FAM184B: variants seen among roughly 807,000 people sequenced by gnomAD.
FAM184B encodes the protein family with sequence similarity 184 member B, also known as protein FAM184B.
In FAM184B, 111 loss-of-function variants were observed where a neutral mutation model predicts 135.9. The observed-to-expected ratio is 0.82, with a 90% CI of 0.70 to 0.96. FAM184B has a LOEUF of 0.96. Among genes scored for constraint, FAM184B ranks in the 40% least tolerant of loss-of-function variants. The probability of loss-of-function intolerance (pLI) is 0.00; values close to 1 mark genes in which losing one functional copy is unlikely to be tolerated. For missense variants in FAM184B, 1,375 were observed against 1,323.9 expected, an observed-to-expected ratio of 1.04 and a Z score of -0.60; for synonymous variants, 552 against 524.8, an observed-to-expected ratio of 1.05 and a Z score of -0.71.
In FAM184B at chr4:17,781,402, A is replaced by T. The variant is rs1399777168; in HGVS notation, c.-103T>A. On this transcript the variant is annotated 5_prime_UTR_variant, in exon 1 of 18. Transcript: ENST00000265018. This position sits in a 1 kb window ranked among gnomAD's most constrained non-coding sequence, Gnocchi z 6.5. Reference sequence around the variant, plus strand: ...TGCGAGCGTGTGGGTTTCTCGGGAGAGGTGGCACTGCAGTCCCGTCGCCTG... The same window carrying T: ...TGCGAGCGTGTGGGTTTCTCGGGAGTGGTGGCACTGCAGTCCCGTCGCCTG... 2 of 1,354,142 alleles carry T rather than the reference A, an allele frequency of 1.5e-6. No individual in the cohort carries two copies. The highest frequency in any genetic ancestry group is 5.9e-5 in the East Asian group (2 of 34,182). 83.9% of individuals were successfully genotyped at this position (1,354,142 alleles called of 1,614,324 possible). A position where few individuals can be genotyped will look rare whatever the true frequency, so the allele number is the denominator to read the frequency against.
intron 11 of FAM184B, among the ~76,000 whole-genome samples, chr4:17,652,351 C>T (rs993651327): frequency 2.0e-5 from 3 of 152,068 alleles, no homozygotes; most frequent in Non-Finnish European, 2.9e-5. Flanking sequence ...GTCTCTATCT[C>T]CTGACCTTGT....
intron 14 of FAM184B, among the ~76,000 whole-genome samples, chr4:17,637,354 A>T (rs950572986): frequency 2.6e-5 from 4 of 152,168 alleles, no homozygotes; most frequent in African/African-American, 7.2e-5. Flanking sequence ...GTGAAGCCAG[A>T]GAAGAGTAAC....
intron 1 of FAM184B, among the ~76,000 whole-genome samples, chr4:17,715,398 G>A (rs1034180698): frequency 2.6e-5 from 4 of 151,978 alleles, no homozygotes; most frequent in East Asian, 3.9e-4. Flanking sequence ...TCACTTGAAC[G>A]CGGGAGGTGG....
At chr4:17,698,578 A>G (rs1716917242) in intron 5 of FAM184B, among the ~76,000 whole-genome samples, 3 of 152,164 alleles carry the variant, frequency 2.0e-5, no homozygotes, top group African/African-American at 7.2e-5. Flanking sequence ...GCCTTAAATA[A>G]TCACTCAGAA....
chr4:17,760,631 C>A (rs1474568913), intron 1 of FAM184B, among the ~76,000 whole-genome samples: 2 of 152,106 alleles, frequency 1.3e-5, no homozygotes, highest in African/African-American at 4.8e-5. Context: ...TAGGACACAG[C>A]CTATCCATAA....
At chr4:17,763,423 C>T (rs921087720) in intron 1 of FAM184B, among the ~76,000 whole-genome samples, 5 of 151,492 alleles carry the variant, frequency 3.3e-5, no homozygotes, top group Non-Finnish European at 7.4e-5. Context: ...CACACACAGG[C>T]ACATGCACCT....
intron 1 of FAM184B, among the ~76,000 whole-genome samples, chr4:17,769,310 A>G (rs752603180): frequency 6.6e-6 from 1 of 152,226 alleles, no homozygotes. Context: ...TAGGGTTTGC[A>G]TAAATGTTAA....
chr4:17,656,025 G>A (rs564612906), intron 10 of FAM184B, among the ~76,000 whole-genome samples: 162 of 152,188 alleles, frequency 1.1e-3, no homozygotes, highest in African/African-American at 3.7e-3. Context: ...ATTCCTACTC[G>A]CCGACACAGG....
chr4:17,705,961 G>A, intron 3 of FAM184B, 70 bp from the exon 4 acceptor site: 1 of 1,535,858 alleles, frequency 6.5e-7, no homozygotes, highest in Non-Finnish European at 8.8e-7. Context: ...GCTTTCTGCT[G>A]TCAGGCCCCC....
chr4:17,754,909 T>A (rs1189094960), intron 1 of FAM184B, among the ~76,000 whole-genome samples: 1 of 152,250 alleles, frequency 6.6e-6, no homozygotes, highest in East Asian at 1.9e-4. Flanking sequence ...GGTCTGGCTC[T>A]GTCACCCAGG....
In FAM184B at chr4:17,633,782, G is replaced by C. The variant is rs1293971580; in HGVS notation, c.2996C>G (p.Pro999Arg). 2 of 1,551,632 alleles carry C rather than the reference G, an allele frequency of 1.3e-6. No individual in the cohort carries two copies. The highest frequency in any genetic ancestry group is 1.2e-5 in the South Asian group (1 of 84,050). Residue 999 changes from proline (P) to arginine (R), a missense_variant, in exon 17 of 18, where the codon CCT becomes CGT. Physicochemically the swap from Pro to Arg is moderately radical, Grantham distance 103. Transcript: ENST00000265018. ...SGDLSSRINA[P>R]PITTSPSLDP... ...CAAGCTGGGTGATGTAGTTATTGGA[G>C]GGGCATTAATCCTGGAACTCAGATC...
At chr4:17,679,797 G>A (rs1223259923) in intron 7 of FAM184B, among the ~76,000 whole-genome samples, 1 of 98,882 alleles carries the variant, frequency 1.0e-5, no homozygotes, top group Non-Finnish European at 2.3e-5. Context: ...TCAATGAGTG[G>A]TTAAAAAAAA....
At chr4:17,721,515 A>G (rs1329655011) in intron 1 of FAM184B, among the ~76,000 whole-genome samples, 1 of 152,022 alleles carries the variant, frequency 6.6e-6, no homozygotes, top group Non-Finnish European at 1.5e-5. Flanking sequence ...GAAAATACTG[A>G]TAAGGGAAGT....
intron 7 of FAM184B, among the ~76,000 whole-genome samples, chr4:17,683,149 T>A (rs1560175266): frequency 6.6e-6 from 1 of 152,232 alleles, no homozygotes; most frequent in Non-Finnish European, 1.5e-5. Flanking sequence ...CAAAACTGTT[T>A]GAACTACATT....
intron 5 of FAM184B, among the ~76,000 whole-genome samples, chr4:17,703,806 C>T (rs894641999): frequency 6.6e-6 from 1 of 151,760 alleles, no homozygotes; most frequent in African/African-American, 2.4e-5. Flanking sequence ...TGGCACATGC[C>T]TGTGGTCCCA....
chr4:17,781,540 G>T lies in FAM184B; in HGVS notation c.-241C>A. On this transcript the variant is annotated 5_prime_UTR_variant, in exon 1 of 18. Transcript: ENST00000265018. The surrounding 1 kb of genome is among the most constrained non-coding windows in gnomAD (Gnocchi z 6.5). Reference sequence around the variant, plus strand: ...TGGCTGGCTGGCTCCGCGGGCACCCGCACCCTGCGGCGAGGCGTCGGCGCC... The same window carrying T: ...TGGCTGGCTGGCTCCGCGGGCACCCTCACCCTGCGGCGAGGCGTCGGCGCC... 2.3e-6 allele frequency: 1 copy of T among 433,258 alleles called. No homozygotes were observed. The highest frequency in any genetic ancestry group is 4.0e-6 in the Non-Finnish European group (1 of 250,060). The allele number at this position is 433,258 out of a possible 1,614,324, so 26.8% of individuals were successfully genotyped here.
At chr4:17,741,717 G>C (rs1457071624) in intron 1 of FAM184B, among the ~76,000 whole-genome samples, 1 of 151,984 alleles carries the variant, frequency 6.6e-6, no homozygotes, top group African/African-American at 2.4e-5. Context: ...ACAAGAAAAC[G>C]TAAAGTCCTA....
At chr4:17,723,335 T>C (rs1577277307) in intron 1 of FAM184B, among the ~76,000 whole-genome samples, 1 of 152,260 alleles carries the variant, frequency 6.6e-6, no homozygotes, top group African/African-American at 2.4e-5. Flanking sequence ...TCAAGTTATA[T>C]ATTATTGTCC....
At chr4:17,661,409 T>C (rs894840998) in intron 8 of FAM184B, among the ~76,000 whole-genome samples, 4 of 151,572 alleles carry the variant, frequency 2.6e-5, no homozygotes, top group African/African-American at 9.7e-5. Context: ...AAAATTAGCT[T>C]AGTGTGGTGG....
Sources: gnomAD v4.1 joint callset for allele counts (sites outside exome capture counted in the v4.1 genomes callset) on GRCh38, gnomAD v4.1.1 for gene constraint, Gnocchi (gnomAD v3.1) non-coding constraint, MANE v1.5 for transcripts, NCBI Gene and HGNC (gene_info 2026-07-23, HGNC 2026-07-21) for gene names.